SORCS3: variants seen among roughly 807,000 people sequenced by gnomAD.
The protein encoded by SORCS3 is sortilin related VPS10 domain containing receptor 3, also known as VPS10 domain-containing receptor SorCS3.
In SORCS3, 57 loss-of-function variants were observed where a neutral mutation model predicts 146.3. The ratio of observed to expected loss-of-function variants is 0.39; its 90% CI spans 0.31 to 0.49. The LOEUF is 0.49. SORCS3 is among the 20% of genes least tolerant of loss of function. The pLI is 0.92. For synonymous variants in SORCS3, 653 were observed against 618.5 expected, an observed-to-expected ratio of 1.06 and a Z score of -0.83; for missense variants, 1,341 against 1,575.5, an observed-to-expected ratio of 0.85 and a Z score of 2.52.
intron 3 of SORCS3, among the ~76,000 whole-genome samples, chr10:104,940,383 C>T (rs12765989): frequency 7.2e-6 from 1 of 138,684 alleles, no homozygotes; most frequent in Non-Finnish European, 1.6e-5. Flanking sequence ...CTAATGCTAT[C>T]TCTCCCCCCT....
intron 1 of SORCS3, among the ~76,000 whole-genome samples, chr10:104,787,669 G>A (rs947006128): frequency 3.3e-5 from 5 of 152,156 alleles, no homozygotes; most frequent in Non-Finnish European, 7.3e-5. Context: ...GTTCTCCCAT[G>A]AAAAGGGACA....
intron 4 of SORCS3, among the ~76,000 whole-genome samples, chr10:105,037,134 G>T (rs1241113287): frequency 6.6e-6 from 1 of 152,088 alleles, no homozygotes; most frequent in Non-Finnish European, 1.5e-5. Context: ...GTATCCTGGG[G>T]GTGGAGGCAT....
chr10:104,944,991 G>T (rs2019355708), intron 3 of SORCS3, among the ~76,000 whole-genome samples: 1 of 152,130 alleles, frequency 6.6e-6, no homozygotes, highest in South Asian at 2.1e-4. Context: ...TTCATCCAAT[G>T]TAATACCATA....
At chr10:105,227,621 C>G (rs567821110) in intron 20 of SORCS3, among the ~76,000 whole-genome samples, 52 of 152,168 alleles carry the variant, frequency 3.4e-4, no homozygotes, top group African/African-American at 1.2e-3. Context: ...GATGATCTGT[C>G]TAATACTGAA....
chr10:104,849,483 C>G (rs553542195), intron 2 of SORCS3, among the ~76,000 whole-genome samples: 1 of 142,662 alleles, frequency 7.0e-6, no homozygotes, highest in South Asian at 2.2e-4. Flanking sequence ...TTCCTAGAAA[C>G]ACCTGGTGAC....
At chr10:104,897,273 T>C (rs1564708390) in intron 2 of SORCS3, among the ~76,000 whole-genome samples, 3 of 152,220 alleles carry the variant, frequency 2.0e-5, no homozygotes, top group Non-Finnish European at 4.4e-5. Flanking sequence ...AATTATCTGA[T>C]AATATAATTC....
chr10:104,874,328 T>G (rs1907037), intron 2 of SORCS3, among the ~76,000 whole-genome samples: 1 of 152,174 alleles, frequency 6.6e-6, no homozygotes, highest in Non-Finnish European at 1.5e-5. Context: ...ACCTCCATTT[T>G]TCCTTTGCTA....
chr10:105,057,543 A>G (rs752794646), intron 5 of SORCS3, among the ~76,000 whole-genome samples: 29 of 152,264 alleles, frequency 1.9e-4, no homozygotes, highest in Non-Finnish European at 3.8e-4. Context: ...CCATTGCTCT[A>G]TCAGTGGGCT....
At chr10:104,646,608 TAAG>T (rs2015498406) in intron 1 of SORCS3, among the ~76,000 whole-genome samples, 1 of 152,236 alleles carries the variant, frequency 6.6e-6, no homozygotes, top group African/African-American at 2.4e-5. Flanking sequence ...ATAGATTGGC[TAAG>T]TCACTTAAGG....
intron 6 of SORCS3, among the ~76,000 whole-genome samples, chr10:105,094,328 CA>C (rs2055731043): frequency 6.6e-6 from 1 of 152,058 alleles, no homozygotes; most frequent in Admixed American, 6.6e-5. Context: ...AACTCTATGC[CA>C]AAAACTCACT....
intron 2 of SORCS3, among the ~76,000 whole-genome samples, chr10:104,853,222 C>G (rs1338808537): frequency 6.6e-6 from 1 of 152,182 alleles, no homozygotes. Context: ...TTGCTTGAAC[C>G]TAGGAGGTGG....
chr10:105,173,838 T>C (rs1261998262), intron 13 of SORCS3, among the ~76,000 whole-genome samples: 1 of 152,196 alleles, frequency 6.6e-6, no homozygotes, highest in Non-Finnish European at 1.5e-5. Context: ...TCTGTAATGG[T>C]TTTCTCCTGA....
intron 16 of SORCS3, among the ~76,000 whole-genome samples, chr10:105,201,457 A>G (rs540068656): frequency 2.7e-4 from 41 of 152,268 alleles, no homozygotes; most frequent in African/African-American, 8.9e-4. Context: ...AGGCATTTTC[A>G]CAGAGAGAGT....
chr10:104,713,357 G>T (rs542506658), intron 1 of SORCS3, among the ~76,000 whole-genome samples: 1 of 152,166 alleles, frequency 6.6e-6, no homozygotes, highest in Non-Finnish European at 1.5e-5. Context: ...GGAAAAATCA[G>T]CTTTCACCTT....
At chr10:105,085,279 G>A (rs978264070) in intron 5 of SORCS3, among the ~76,000 whole-genome samples, 4 of 152,248 alleles carry the variant, frequency 2.6e-5, no homozygotes, top group African/African-American at 7.2e-5. Context: ...ATGGCAGAAG[G>A]TGGGCGGCGG....
chr10:105,124,826 C>T (rs1006589654), intron 7 of SORCS3, among the ~76,000 whole-genome samples: 1 of 152,222 alleles, frequency 6.6e-6, no homozygotes, highest in Non-Finnish European at 1.5e-5. Flanking sequence ...TCGGAAGAGA[C>T]GTACACCTTG....
chr10:105,014,498 A>G (rs893705071), intron 4 of SORCS3, among the ~76,000 whole-genome samples: 1 of 152,224 alleles, frequency 6.6e-6, no homozygotes, highest in African/African-American at 2.4e-5. Flanking sequence ...AAGATAAGCC[A>G]TAAGCTTGGA....
Position 105,190,274 on chromosome 10 carries a change from GT to G in SORCS3, c.2010-9723del, listed in dbSNP as rs374467982. On this transcript the variant is annotated intron_variant, in intron 14 of 26. Transcript: ENST00000369701. ...CTTGCTGTGTAACCTTGTCAGATGA[GT>G]TATTTAACTTTTCTGAACCTCAGTT... 6.8e-3 allele frequency among the ~76,000 whole-genome samples: 1,037 copies of G among 152,332 alleles called. 12 individuals carry two copies. Among genetic ancestry groups the G allele is most frequent in the African/African-American group, 0.021 (862 of 41,586 alleles).
intron 3 of SORCS3, among the ~76,000 whole-genome samples, chr10:104,960,918 A>G (rs2054792103): frequency 6.6e-6 from 1 of 152,178 alleles, no homozygotes; most frequent in Non-Finnish European, 1.5e-5. Context: ...TATTAGTGAC[A>G]ATCTGCAGTT....
Sources: allele counts gnomAD v4.1 joint callset (sites outside exome capture counted in the v4.1 genomes callset), GRCh38; gene constraint gnomAD v4.1.1; transcripts MANE v1.5; gene names NCBI Gene and HGNC (gene_info 2026-07-23, HGNC 2026-07-21).